The following TCF20 variants were observed in gnomAD, a reference collection of about 807,000 sequenced individuals.
The protein encoded by TCF20 is transcription factor 20, also known as SPRE-binding protein.
Under a neutral mutation model 148.6 loss-of-function variants are expected in TCF20, and 3 were observed. The observed-to-expected ratio is 0.02, with a 90% CI of 0.01 to 0.05. The LOEUF is 0.05. Among genes scored for constraint, TCF20 ranks in the 10% least tolerant of loss-of-function variants. TCF20 has a pLI of 1.00. For missense variants in TCF20, 2,350 were observed against 2,429.3 expected, an observed-to-expected ratio of 0.97 and a Z score of 0.69; for synonymous variants, 1,049 against 909.5, an observed-to-expected ratio of 1.15 and a Z score of -2.76.
In TCF20 at chr22:42,211,648, C is replaced by T. The variant is rs763677943; in HGVS notation, c.3658G>A (p.Gly1220Arg). The T allele has an allele frequency of 2.5e-6, 4 of 1,614,224 alleles. No homozygotes were observed. Among genetic ancestry groups the T allele is most frequent in the Non-Finnish European group, 1.7e-6 (2 of 1,180,038 alleles). Residue 1220 changes from glycine to arginine, a missense_variant, in exon 2 of 6, where the codon GGA (glycine) becomes AGA (arginine). Coordinates refer to ENST00000677622, the MANE Select transcript of TCF20 (RefSeq NM_001378418.1). Reference sequence around the variant, plus strand: ...TGTGTAGCCTCAGCTAGTCCATGTCCATCAGTCTCATGGGGCGGCCCATAC... The same window carrying T: ...TGTGTAGCCTCAGCTAGTCCATGTCTATCAGTCTCATGGGGCGGCCCATAC... ...KRYGPPHETD[G>R]HGLAEATQSS... is the part of the protein sequence containing the mutation.
At chr22:42,231,587 A>G (rs924842327) in intron 1 of TCF20, among the ~76,000 whole-genome samples, 3 of 152,236 alleles carry the variant, frequency 2.0e-5, no homozygotes, top group Non-Finnish European at 2.9e-5. Context: ...AAGTGTTATT[A>G]CAAGAGTCAA....
intron 1 of TCF20, among the ~76,000 whole-genome samples, chr22:42,218,043 C>T (rs1921983186): frequency 6.6e-6 from 1 of 152,208 alleles, no homozygotes; most frequent in African/African-American, 2.4e-5. Flanking sequence ...TTGCTTTGTT[C>T]CAGTGAATCT....
At position 42,213,816 on chromosome 22, in the gene TCF20, C is replaced by A; in HGVS notation, c.1490G>T (p.Ser497Ile). The change falls in exon 2 of 6, where the codon AGC becomes ATC. Residue 497 changes from serine (S) to isoleucine (I), a missense_variant. Physicochemically the swap from Ser to Ile is moderately radical, Grantham distance 142 (BLOSUM62 -2). This residue lies in a region of TCF20 where 1,641 missense variants were observed against 1,662.6 expected (regional missense o/e 0.99). Transcript: ENST00000677622. ...TGAGGAGCCTTCAGAATTTGTGCAG[C>A]TATCTGCTTTCTTGGAAGATGAGGG... The part of the protein sequence containing the change: ...KRPSSSKKAD[S>I]CTNSEGSSQP... The A allele has an allele frequency of 6.2e-7, 1 of 1,614,190 alleles. No homozygotes were observed.
At chr22:42,275,802 C>T (rs1926765149) in intron 1 of TCF20, among the ~76,000 whole-genome samples, 1 of 152,214 alleles carries the variant, frequency 6.6e-6, no homozygotes, top group African/African-American at 2.4e-5. Context: ...CAGGGCACTA[C>T]AAAGAGTTAA....
chr22:42,190,602 A>G (rs1375915945), intron 2 of TCF20, among the ~76,000 whole-genome samples: 2 of 152,240 alleles, frequency 1.3e-5, no homozygotes, highest in African/African-American at 2.4e-5. Context: ...CTGCAAGGCT[A>G]TGGGCAGCAG....
Position 42,209,869 on chromosome 22 carries a change from T to G in TCF20, c.5437A>C (p.Thr1813Pro). The change falls in exon 2 of 6, where the codon ACT becomes CCT. Residue 1813 changes from threonine (T) to proline (P), a missense_variant. Transcript: ENST00000677622. ...ACAGTCTTTTCACTGCTGCCCTCAG[T>G]GGCTGCTTTTTTACAAGGGAGCCCC... ...SRGLPCKKAA[T>P]EGSSEKTVLD... 1 of 1,614,160 alleles carries G rather than the reference T, an allele frequency of 6.2e-7. No individual in the cohort carries two copies. The highest frequency in any genetic ancestry group is 1.1e-5 in the South Asian group (1 of 91,082).
At chr22:42,192,176 G>A (rs1433258796) in intron 2 of TCF20, among the ~76,000 whole-genome samples, 1 of 152,124 alleles carries the variant, frequency 6.6e-6, no homozygotes, top group Non-Finnish European at 1.5e-5. Flanking sequence ...CTTCCAGAAA[G>A]CCAATTACTG....
rs1052573569 is a variant in TCF20 at position 42,297,136 on chromosome 22, C to T, written c.-37+46343G>A. 5.9e-5 allele frequency among the ~76,000 whole-genome samples: 9 copies of T among 152,226 alleles called. No homozygotes were observed. Among genetic ancestry groups the T allele is most frequent in the Non-Finnish European group, 1.2e-4 (8 of 68,034 alleles). ...AACCCCTATGCACTACTGGTTCAGG[C>T]AGGCCTCAGTGCCCATACCCACAAT... On this transcript the variant is annotated intron_variant, in intron 1 of 1. Coordinates refer to the TCF20 transcript ENST00000515426. The surrounding 1 kb of genome is among the most constrained non-coding windows in gnomAD (Gnocchi z 4.3).
intron 1 of TCF20, among the ~76,000 whole-genome samples, chr22:42,267,584 C>T (rs1926355842): frequency 6.6e-6 from 1 of 152,026 alleles, no homozygotes; most frequent in African/African-American, 2.4e-5. Context: ...ACCTGTAGTC[C>T]CAGCTACTCA....
intron 1 of TCF20, among the ~76,000 whole-genome samples, chr22:42,246,198 C>T (rs1041735761): frequency 6.6e-6 from 1 of 152,146 alleles, no homozygotes; most frequent in Non-Finnish European, 1.5e-5. Flanking sequence ...CTCCACCTAC[C>T]AGGTTCAAGT....
chr22:42,264,864 G>A (rs1171152036), intron 1 of TCF20, among the ~76,000 whole-genome samples: 1 of 152,146 alleles, frequency 6.6e-6, no homozygotes, highest in Non-Finnish European at 1.5e-5. Context: ...GCACACACAT[G>A]CACGCGGACC....
chr22:42,267,672 G>C (rs1051595137), intron 1 of TCF20, among the ~76,000 whole-genome samples: 2 of 152,208 alleles, frequency 1.3e-5, no homozygotes, highest in Non-Finnish European at 1.5e-5. Flanking sequence ...CTGCACTCCA[G>C]CCTGGCAACA....
At chr22:42,199,412 G>A (rs749425644) in intron 2 of TCF20, among the ~76,000 whole-genome samples, 1 of 152,068 alleles carries the variant, frequency 6.6e-6, no homozygotes, top group Non-Finnish European at 1.5e-5. Context: ...GTGCATAAAG[G>A]CACGAGGCTG....
At chr22:42,284,956 C>A (rs1186237831), upstream of TCF20, among the ~76,000 whole-genome samples, 2 of 152,246 alleles carry the variant, frequency 1.3e-5, no homozygotes, top group African/African-American at 4.8e-5. Context: ...TGGGCCGTGG[C>A]CAGATCCTTG....
In TCF20 at chr22:42,214,406, A is replaced by C. The variant is rs761145536; in HGVS notation, c.900T>G (p.Phe300Leu). ...TCCCTTGTGGAATCTTTGCCTGTTC[A>C]AAATTCTTCATAGATTGAGGCTGAT... ...YSYQPQSMKN[F>L]EQAKIPQGTQ... The change falls in exon 2 of 6, where the codon TTT becomes TTG. Residue 300 changes from phenylalanine to leucine, a missense_variant. By Grantham distance (22) the Phe-to-Leu change is conservative (BLOSUM62 0). This residue lies in a region of TCF20 where 1,641 missense variants were observed against 1,662.6 expected (regional missense o/e 0.99). Coordinates refer to ENST00000677622, the MANE Select transcript of TCF20 (RefSeq NM_001378418.1). 1 of 1,614,058 alleles carries C rather than the reference A, an allele frequency of 6.2e-7. No individual in the cohort carries two copies. The highest frequency in any genetic ancestry group is 8.5e-7 in the Non-Finnish European group (1 of 1,180,004).
intron 1 of TCF20, chr22:42,277,115 A>G (rs1197404969): frequency 6.6e-6 from 1 of 152,242 alleles, no homozygotes; most frequent in Non-Finnish European, 1.5e-5. Context: ...TAACTAGACA[A>G]GTTGGCTTCC....
chr22:42,256,050 C>G (rs750037564), intron 1 of TCF20, among the ~76,000 whole-genome samples: 3 of 152,114 alleles, frequency 2.0e-5, no homozygotes, highest in Non-Finnish European at 4.4e-5. Flanking sequence ...TCCACTCTTC[C>G]ACTTGTCTCT....
chr22:42,266,083 A>T (rs1315929739), intron 1 of TCF20, among the ~76,000 whole-genome samples: 3 of 59,962 alleles, frequency 5.0e-5, no homozygotes, highest in East Asian at 4.6e-4. Flanking sequence ...CTTTAAAATT[A>T]AAAAAAAAAA....
intron 2 of TCF20, among the ~76,000 whole-genome samples, chr22:42,185,337 T>C (rs1199416157): frequency 6.6e-6 from 1 of 152,182 alleles, no homozygotes; most frequent in African/African-American, 2.4e-5. Context: ...GACTTGTTCT[T>C]GCACCCCCCA....
Sources: allele counts gnomAD v4.1 joint callset (sites outside exome capture counted in the v4.1 genomes callset), GRCh38; gene constraint gnomAD v4.1.1; regional missense constraint gnomAD v4.1.1; non-coding constraint Gnocchi (gnomAD v3.1); transcripts MANE v1.5; gene names NCBI Gene and HGNC (gene_info 2026-07-23, HGNC 2026-07-21).